Variants in SSBP2 observed in about 807,000 individuals in gnomAD.
SSBP2 encodes the protein single stranded DNA binding protein 2, also known as single-stranded DNA-binding protein 2.
A neutral mutation model predicts 61.8 loss-of-function variants in SSBP2; 17 were observed. The ratio of observed to expected loss-of-function variants is 0.28; its 90% CI spans 0.19 to 0.41. The LOEUF (loss-of-function observed/expected upper bound fraction) is 0.41. Among genes scored for constraint, SSBP2 ranks in the 10% least tolerant of loss-of-function variants. SSBP2 has a pLI of 1.00. For missense variants in SSBP2, 310 were observed against 458.7 expected, an observed-to-expected ratio of 0.68 and a Z score of 2.96; for synonymous variants, 139 against 141.3, an observed-to-expected ratio of 0.98 and a Z score of 0.12.
At chr5:81,693,929 T>TA (rs1450614307) in intron 1 of SSBP2, among the ~76,000 whole-genome samples, 1 of 152,130 alleles carries the variant, frequency 6.6e-6, no homozygotes, top group Admixed American at 6.5e-5. Context: ...GAAGCAATCT[T>TA]AGCGTCCATC....
At chr5:81,598,346 GCTAA>G (rs1283019524) in intron 4 of SSBP2, among the ~76,000 whole-genome samples, 2 of 152,014 alleles carry the variant, frequency 1.3e-5, no homozygotes, top group African/African-American at 4.8e-5. Flanking sequence ...AAACAAAAAG[GCTAA>G]CTGAGAATTC....
intron 2 of SSBP2, among the ~76,000 whole-genome samples, chr5:81,641,336 T>C (rs982264181): frequency 6.6e-6 from 1 of 152,334 alleles, no homozygotes; most frequent in African/African-American, 2.4e-5. Flanking sequence ...TTACATCATA[T>C]TATTCCTCAG....
At chr5:81,455,069 C>A (rs1167803176) in intron 10 of SSBP2, among the ~76,000 whole-genome samples, 2 of 152,204 alleles carry the variant, frequency 1.3e-5, no homozygotes, top group East Asian at 3.9e-4. Context: ...CATCACAGAT[C>A]CTAATTATAA....
intron 4 of SSBP2, among the ~76,000 whole-genome samples, chr5:81,591,647 T>C (rs1023590837): frequency 6.6e-6 from 1 of 152,072 alleles, no homozygotes; most frequent in African/African-American, 2.4e-5. Context: ...AGATGAAGAC[T>C]GTCTTTGACA....
At chr5:81,605,895 G>A (rs59749515) in intron 4 of SSBP2, among the ~76,000 whole-genome samples, 1,803 of 152,254 alleles carry the variant, frequency 0.012, 35 homozygotes, top group African/African-American at 0.041. Context: ...CCCACTGGTG[G>A]AAATTGTTAA....
intron 1 of SSBP2, among the ~76,000 whole-genome samples, chr5:81,703,415 T>C (rs411520): frequency 0.4 from 60,792 of 151,872 alleles, 12,616 homozygotes; most frequent in Middle Eastern, 0.57. Flanking sequence ...GGCATTGGAA[T>C]AGTGATTCCC....
chr5:81,541,829 A>G (rs1425456417), intron 4 of SSBP2, among the ~76,000 whole-genome samples: 1 of 152,210 alleles, frequency 6.6e-6, no homozygotes, highest in Non-Finnish European at 1.5e-5. Context: ...TAGAAAAAAA[A>G]GTAAGAAACA....
chr5:81,485,141 A>G (rs1393367825), intron 6 of SSBP2, among the ~76,000 whole-genome samples: 1 of 152,160 alleles, frequency 6.6e-6, no homozygotes, highest in Non-Finnish European at 1.5e-5. Flanking sequence ...CAGGTTACAG[A>G]TGCTTCAATA....
At chr5:81,547,891 C>T (rs898660477) in intron 4 of SSBP2, among the ~76,000 whole-genome samples, 2 of 152,076 alleles carry the variant, frequency 1.3e-5, no homozygotes, top group South Asian at 4.1e-4. Flanking sequence ...AAAAAATCAA[C>T]AGTTGCCAAT....
chr5:81,676,789 T>A (rs1381146170), intron 1 of SSBP2, among the ~76,000 whole-genome samples: 4 of 152,130 alleles, frequency 2.6e-5, no homozygotes, highest in African/African-American at 9.7e-5. Flanking sequence ...TTTTAGAATT[T>A]AATACTAGAA....
intron 3 of SSBP2, among the ~76,000 whole-genome samples, chr5:81,625,328 T>G (rs1023963013): frequency 6.6e-6 from 1 of 152,050 alleles, no homozygotes; most frequent in Non-Finnish European, 1.5e-5. Context: ...CTCAGAAAAT[T>G]TTGAACCTCT....
intron 6 of SSBP2, among the ~76,000 whole-genome samples, chr5:81,475,295 A>G (rs1276884906): frequency 6.6e-6 from 1 of 152,168 alleles, no homozygotes; most frequent in Non-Finnish European, 1.5e-5. Flanking sequence ...AAAAAAATTC[A>G]CTAATTTAAC....
At chr5:81,476,105 A>G (rs139811402) in intron 6 of SSBP2, among the ~76,000 whole-genome samples, 16 of 152,138 alleles carry the variant, frequency 1.1e-4, no homozygotes, top group Non-Finnish European at 1.9e-4. Flanking sequence ...TATATCTATT[A>G]TCATAAATCT....
chr5:81,713,632 G>GT (rs1313787603), intron 1 of SSBP2, among the ~76,000 whole-genome samples: 8 of 152,016 alleles, frequency 5.3e-5, no homozygotes, highest in Admixed American at 3.3e-4. Context: ...ACAGAAACCC[G>GT]TAAGTCTACA....
At chr5:81,690,489 G>A (rs1753119829) in intron 1 of SSBP2, among the ~76,000 whole-genome samples, 1 of 151,904 alleles carries the variant, frequency 6.6e-6, no homozygotes, top group Non-Finnish European at 1.5e-5. Flanking sequence ...GACAAAGAAG[G>A]CCATTATATA....
rs924640615 is a variant in SSBP2 at position 81,616,231 on chromosome 5, G to T, written c.198-674C>A. 3 of 149,386 alleles carry T rather than the reference G, an allele frequency of 2.0e-5. No individual in the cohort carries two copies. The East Asian group carries it at 6.0e-4, about 30-fold the overall frequency. The allele number at this position is 149,386 out of a possible 1,614,324, so 9.3% of individuals were successfully genotyped here. A position where few individuals can be genotyped will look rare whatever the true frequency, so the allele number is the denominator to read the frequency against. On this transcript the variant is annotated intron_variant, in intron 3 of 16. Transcript: ENST00000320672. ...AGGGAGTGCCAGACAGTGGGCGCAG[G>T]CCAGTGTGTGTGCGCACCGTGCGCG...
intron 12 of SSBP2, among the ~76,000 whole-genome samples, chr5:81,445,920 C>T (rs1031976434): frequency 6.6e-6 from 1 of 152,054 alleles, no homozygotes; most frequent in Non-Finnish European, 1.5e-5. Flanking sequence ...GATTATATTG[C>T]ATTGAATCAT....
chr5:81,692,076 T>C (rs1753244770), intron 1 of SSBP2, among the ~76,000 whole-genome samples: 1 of 152,178 alleles, frequency 6.6e-6, no homozygotes, highest in Non-Finnish European at 1.5e-5. Context: ...ATTATCCTTG[T>C]CTGCAGATGA....
intron 1 of SSBP2, among the ~76,000 whole-genome samples, chr5:81,672,939 C>T (rs1422158050): frequency 6.6e-6 from 1 of 150,940 alleles, no homozygotes; most frequent in Non-Finnish European, 1.5e-5. Flanking sequence ...CAGGATAAAG[C>T]GATTCTCACG....
Sources: gnomAD v4.1 joint callset for allele counts (sites outside exome capture counted in the v4.1 genomes callset) on GRCh38, gnomAD v4.1.1 for gene constraint, MANE v1.5 for transcripts, NCBI Gene and HGNC (gene_info 2026-07-23, HGNC 2026-07-21) for gene names.